EXOC6: variants seen among roughly 807,000 people sequenced by gnomAD.
EXOC6 encodes exocyst complex component 6.
In EXOC6, 60 loss-of-function variants were observed where a neutral mutation model predicts 112.5. That is an observed-to-expected ratio of 0.53 (90% confidence interval 0.43 to 0.66). The LOEUF (loss-of-function observed/expected upper bound fraction) is 0.66. EXOC6 is among the 30% of genes least tolerant of loss of function. EXOC6 has a pLI of 0.00. For missense variants in EXOC6, 855 were observed against 957.1 expected (o/e 0.89, Z 1.41); for synonymous variants, 295 against 308.0 (o/e 0.96, Z 0.44).
At chr10:92,862,652 C>G (rs1847966198) in intron 1 of EXOC6, among the ~76,000 whole-genome samples, 1 of 152,134 alleles carries the variant, frequency 6.6e-6, no homozygotes, top group Non-Finnish European at 1.5e-5. Flanking sequence ...TTATAGCAGT[C>G]CATATGGACT....
rs116964825 is a variant in EXOC6, at chr10:92,887,019, G to A, written c.102-6330G>A. ...AGCAGACATGACTCCTCTCTGGCCG[G>A]TTAAGTCACTGTGGGGAATTGTTGA... On this transcript the variant is annotated intron_variant, in intron 1 of 21. Coordinates refer to ENST00000260762, the MANE Select transcript of EXOC6 (RefSeq NM_019053.6). Among the ~76,000 whole-genome samples the A allele has an allele frequency of 7.1e-3, 1,087 of 152,280 alleles. 6 individuals are homozygous for A. The highest frequency in any genetic ancestry group is 0.011 in the Non-Finnish European group (725 of 68,010).
intron 1 of EXOC6, among the ~76,000 whole-genome samples, chr10:92,859,333 C>T (rs1380680241): frequency 2.0e-5 from 3 of 152,282 alleles, no homozygotes; most frequent in South Asian, 2.1e-4. Context: ...CTGGCATATA[C>T]GCTGTCACCC....
chr10:92,897,921 G>C (rs1240613823), intron 4 of EXOC6, among the ~76,000 whole-genome samples: 2 of 152,136 alleles, frequency 1.3e-5, no homozygotes, highest in African/African-American at 4.8e-5. Flanking sequence ...CTGTACGCCT[G>C]ACGACTTGGG....
chr10:92,844,648 G>A (rs971052412), upstream of EXOC6, among the ~76,000 whole-genome samples: 8 of 152,084 alleles, frequency 5.3e-5, no homozygotes, highest in African/African-American at 1.9e-4. Context: ...TTTTATCAAA[G>A]AGGAGGCTAA....
chr10:92,858,677 A>G (rs924720998), intron 1 of EXOC6, among the ~76,000 whole-genome samples: 1 of 152,096 alleles, frequency 6.6e-6, no homozygotes, highest in African/African-American at 2.4e-5. Flanking sequence ...TCTTCTTTTT[A>G]GTTCTGTGAG....
intron 9 of EXOC6, among the ~76,000 whole-genome samples, chr10:92,932,451 G>A (rs1487745999): frequency 6.6e-6 from 1 of 152,020 alleles, no homozygotes; most frequent in East Asian, 1.9e-4. Context: ...TATGTAAATT[G>A]TACCTCAATA....
intron 20 of EXOC6, among the ~76,000 whole-genome samples, chr10:93,017,550 A>G (rs1292624673): frequency 6.6e-6 from 1 of 151,988 alleles, no homozygotes; most frequent in African/African-American, 2.4e-5. Flanking sequence ...AGATCATGCC[A>G]TTGCACCCCA....
intron 9 of EXOC6, among the ~76,000 whole-genome samples, chr10:92,930,428 G>A (rs1337856689): frequency 3.3e-5 from 5 of 151,984 alleles, no homozygotes; most frequent in African/African-American, 4.8e-5. Context: ...ACTTGAACCC[G>A]AGAGGCAGAG....
chr10:92,834,550 A>T (rs972721904), upstream of EXOC6, among the ~76,000 whole-genome samples: 1 of 152,232 alleles, frequency 6.6e-6, no homozygotes, highest in East Asian at 1.9e-4. Context: ...CAGCTGTGCA[A>T]CATTCTTGGA....
At chr10:92,935,909 T>C (rs1653175671) in intron 12 of EXOC6, 24 bp downstream of exon 12, 1 of 1,414,040 alleles carries the variant, frequency 7.1e-7, no homozygotes, top group African/African-American at 1.4e-5. Flanking sequence ...TAACAATTAA[T>C]GGTTATTCTG....
intron 1 of EXOC6, among the ~76,000 whole-genome samples, chr10:92,851,718 C>T (rs923448465): frequency 1.3e-5 from 2 of 150,286 alleles, no homozygotes; most frequent in African/African-American, 4.9e-5. Flanking sequence ...AACAAAAAAA[C>T]GGGAGTGAGA....
intron 20 of EXOC6, among the ~76,000 whole-genome samples, chr10:93,025,416 C>G (rs1183574068): frequency 6.6e-6 from 1 of 152,062 alleles, no homozygotes; most frequent in Non-Finnish European, 1.5e-5. Context: ...ATATGAGAAG[C>G]CATTTTTAAA....
chr10:92,960,468 T>C (rs1012149088), intron 17 of EXOC6, among the ~76,000 whole-genome samples: 1 of 152,100 alleles, frequency 6.6e-6, no homozygotes, highest in Non-Finnish European at 1.5e-5. Context: ...TGTAAAACAC[T>C]GTGAGTGAAT....
intron 18 of EXOC6, among the ~76,000 whole-genome samples, chr10:92,993,913 C>A (rs1298151871): frequency 6.6e-6 from 1 of 152,142 alleles, no homozygotes; most frequent in African/African-American, 2.4e-5. Flanking sequence ...AAGTGTCAAT[C>A]AAGGTCTCAC....
At chr10:92,905,564 C>T (rs1388125112) in intron 5 of EXOC6, among the ~76,000 whole-genome samples, 1 of 151,946 alleles carries the variant, frequency 6.6e-6, no homozygotes, top group Non-Finnish European at 1.5e-5. Context: ...AGTCTTAATA[C>T]CTTTTTTTCT....
At chr10:92,916,063 C>G (rs757126212) in intron 7 of EXOC6, 150 bp downstream of exon 7, 43 of 534,222 alleles carry the variant, frequency 8.0e-5, no homozygotes, top group Non-Finnish European at 1.1e-4. Flanking sequence ...GTGTGTCAAA[C>G]TTTGACAAAA....
At position 92,909,446 on chromosome 10, in the gene EXOC6, A is replaced by G; in HGVS notation, c.478A>G (p.Thr160Ala). ...TCACAGGTACTATTCTGCCCTAAAA[A>G]CTATGGAACAATTAGAGAATGTGTA... ...SAKRYYSALKTMEQLENVYFP... is the reference protein window; with the variant it reads ...SAKRYYSALKAMEQLENVYFP... Residue 160 changes from threonine (T) to alanine (A), a missense_variant, in exon 6 of 22, where the codon ACT (threonine) becomes GCT (alanine). Physicochemically the swap from Thr to Ala is moderately conservative, Grantham distance 58. Around this residue, in one of 2 missense-constraint regions of EXOC6, gnomAD observed 405 missense variants for 393.6 expected, o/e 1.03. Coordinates refer to ENST00000260762, the MANE Select transcript of EXOC6 (RefSeq NM_019053.6). The G allele has an allele frequency of 6.2e-7, 1 of 1,612,432 alleles. No homozygotes were observed. The highest frequency in any genetic ancestry group is 8.5e-7 in the Non-Finnish European group (1 of 1,179,262).
At chr10:92,955,812 C>T (rs1853662539) in intron 17 of EXOC6, 98 bp downstream of exon 17, 2 of 1,120,388 alleles carry the variant, frequency 1.8e-6, no homozygotes, top group Admixed American at 3.0e-5. Flanking sequence ...CTACTATATT[C>T]CTAAAAATTA....
rs1370217044 is a variant in EXOC6 at position 93,059,194 on chromosome 10, A to G, written c.*839A>G. 1 of 152,212 alleles carries G rather than the reference A, an allele frequency of 6.6e-6. No homozygotes were observed. The highest frequency in any genetic ancestry group is 1.5e-5 in the Non-Finnish European group (1 of 68,038). The allele number at this position is 152,212 out of a possible 1,614,324, so 9.4% of individuals were successfully genotyped here. ...CACAGGGGTCAGGTTACTTTCTTCA[A>G]ATAGCAGATTTCAGTACTTTATCCT... On this transcript the variant is annotated 3_prime_UTR_variant, in exon 22 of 22. Coordinates refer to ENST00000260762, the MANE Select transcript of EXOC6 (RefSeq NM_019053.6).
Sources: allele counts gnomAD v4.1 joint callset (sites outside exome capture counted in the v4.1 genomes callset), GRCh38; gene constraint gnomAD v4.1.1; regional missense constraint gnomAD v4.1.1; transcripts MANE v1.5; gene names NCBI Gene and HGNC (gene_info 2026-07-23, HGNC 2026-07-21).